Variants in HIP1 observed in about 807,000 individuals in gnomAD.
The protein encoded by HIP1 is huntingtin interacting protein 1, also known as huntingtin-interacting protein 1.
HIP1 carries 65 observed loss-of-function variants against 147.6 expected under a neutral mutation model. The observed-to-expected ratio is 0.44, with a 90% CI of 0.36 to 0.54. The LOEUF (loss-of-function observed/expected upper bound fraction) is 0.54, where lower values mean the gene tolerates loss of function less well. HIP1 is among the 20% of genes least tolerant of loss of function. The probability of loss-of-function intolerance (pLI) is 0.00; values close to 1 mark genes in which losing one functional copy is unlikely to be tolerated. For missense variants in HIP1, 1,061 were observed against 1,299.6 expected, an observed-to-expected ratio of 0.82 and a Z score of 2.82; for synonymous variants, 479 against 504.0, an observed-to-expected ratio of 0.95 and a Z score of 0.67.
At chr7:75,705,374 CT>C (rs1209511571) in intron 1 of HIP1, among the ~76,000 whole-genome samples, 4 of 135,828 alleles carry the variant, frequency 2.9e-5, no homozygotes, top group Admixed American at 7.4e-5. Context: ...TTTTTTTTTT[CT>C]TTTTTTTTTG....
intron 1 of HIP1, among the ~76,000 whole-genome samples, chr7:75,601,567 G>C (rs587623267): frequency 2.0e-5 from 3 of 151,374 alleles, no homozygotes; most frequent in African/African-American, 7.3e-5. Flanking sequence ...TTGCACTCCA[G>C]CCTGGCTGAG....
chr7:75,606,741 A>C (rs1554503892), intron 1 of HIP1, among the ~76,000 whole-genome samples: 2 of 152,172 alleles, frequency 1.3e-5, no homozygotes. Context: ...AGAATGAGGA[A>C]GTGAACTAGC....
chr7:75,732,767 C>T (rs782786335), intron 1 of HIP1, among the ~76,000 whole-genome samples: 1 of 152,166 alleles, frequency 6.6e-6, no homozygotes, highest in Non-Finnish European at 1.5e-5. Flanking sequence ...CTACAGAGCA[C>T]TGTTGCTCAA....
chr7:75,592,166 AG>A, intron 3 of HIP1, 54 bp from the exon 4 acceptor site: 1 of 1,556,506 alleles, frequency 6.4e-7, no homozygotes. Flanking sequence ...AGAAAGACAA[AG>A]GGAAGGAGGA....
At chr7:75,558,321 G>A in intron 14 of HIP1, 66 bp from the exon 15 acceptor site, 1 of 1,231,686 alleles carries the variant, frequency 8.1e-7, no homozygotes, top group Non-Finnish European at 1.2e-6. Context: ...CTTGCAATGA[G>A]CCAGGGTCCC....
At chr7:75,618,714 C>T (rs1308614209) in intron 1 of HIP1, among the ~76,000 whole-genome samples, 10 of 152,206 alleles carry the variant, frequency 6.6e-5, no homozygotes, top group African/African-American at 1.7e-4. Flanking sequence ...TCCCCCAGCA[C>T]GGGAACCATC....
chr7:75,656,565 C>T (rs937398216), intron 1 of HIP1, among the ~76,000 whole-genome samples: 3 of 152,044 alleles, frequency 2.0e-5, no homozygotes, highest in African/African-American at 7.3e-5. Flanking sequence ...GCAACCTCTG[C>T]CTCCTGGGTT....
chr7:75,685,643 G>A (rs1800236002), intron 1 of HIP1, among the ~76,000 whole-genome samples: 1 of 152,176 alleles, frequency 6.6e-6, no homozygotes, highest in Non-Finnish European at 1.5e-5. Flanking sequence ...CCAACTCCTG[G>A]GTTCAAGCAA....
At chr7:75,678,018 T>C (rs1799952832) in intron 1 of HIP1, among the ~76,000 whole-genome samples, 1 of 152,102 alleles carries the variant, frequency 6.6e-6, no homozygotes, top group Non-Finnish European at 1.5e-5. Flanking sequence ...TGTCTTCTTT[T>C]CCATAGTGCT....
chr7:75,689,660 G>C (rs1343759568), intron 1 of HIP1, among the ~76,000 whole-genome samples: 2 of 152,232 alleles, frequency 1.3e-5, no homozygotes, highest in East Asian at 3.9e-4. Flanking sequence ...ACGCTCCTTG[G>C]AGTACAGTTT....
At chr7:75,702,412 T>G (rs1800867070) in intron 1 of HIP1, among the ~76,000 whole-genome samples, 1 of 151,966 alleles carries the variant, frequency 6.6e-6, no homozygotes, top group Non-Finnish European at 1.5e-5. Context: ...CCGGCCTAAT[T>G]TTTGTATTTT....
At chr7:75,642,886 CAAAG>C (rs782760119) in intron 1 of HIP1, among the ~76,000 whole-genome samples, 9 of 152,192 alleles carry the variant, frequency 5.9e-5, no homozygotes, top group Non-Finnish European at 8.8e-5. Context: ...AAACTCAGGC[CAAAG>C]TTGGCCTCAC....
At chr7:75,728,439 C>T (rs553432374) in intron 1 of HIP1, among the ~76,000 whole-genome samples, 12 of 152,344 alleles carry the variant, frequency 7.9e-5, no homozygotes, top group African/African-American at 2.9e-4. Context: ...CTCTCCAGGT[C>T]ATCAACCCTC....
rs62651316 is a variant in HIP1, at chr7:75,664,169, T to C, written c.121-64922A>G. ...ATACATGTATGTGTGTATATTTACA[T>C]ACATATATGTACATACATATATACA... On this transcript the variant is annotated intron_variant, in intron 1 of 30. Coordinates refer to ENST00000336926, the MANE Select transcript of HIP1 (RefSeq NM_005338.7). Among the ~76,000 whole-genome samples, 101 of 41,428 alleles carry C rather than the reference T, an allele frequency of 2.4e-3. 2 individuals carry two copies. The highest frequency in any genetic ancestry group is 4.9e-3 in the Admixed American group (18 of 3,686). 27.2% of individuals were successfully genotyped at this position (41,428 alleles called of 152,430 possible).
At chr7:75,626,621 C>G (rs1798049185) in intron 1 of HIP1, 1 of 152,178 alleles carries the variant, frequency 6.6e-6, no homozygotes, top group African/African-American at 2.4e-5. Flanking sequence ...GGTAAGCACA[C>G]AGTGGAAACT....
At chr7:75,661,626 G>A (rs1257785830) in intron 1 of HIP1, among the ~76,000 whole-genome samples, 1 of 151,298 alleles carries the variant, frequency 6.6e-6, no homozygotes, top group Non-Finnish European at 1.5e-5. Flanking sequence ...TAAGGGCAGT[G>A]AGGGGCCCTG....
intron 2 of HIP1, among the ~76,000 whole-genome samples, chr7:75,593,446 C>T (rs945885444): frequency 1.3e-4 from 19 of 151,812 alleles, no homozygotes; most frequent in Non-Finnish European, 2.9e-5. Context: ...GCCTGACCAA[C>T]ACGGCGAAAC....
chr7:75,650,808 GT>G (rs1211845846), intron 1 of HIP1, among the ~76,000 whole-genome samples: 7 of 152,158 alleles, frequency 4.6e-5, no homozygotes, highest in Non-Finnish European at 8.8e-5. Context: ...AGAGTCGCCT[GT>G]AGTGGCTCAG....
At chr7:75,649,933 C>T (rs1798918553) in intron 1 of HIP1, among the ~76,000 whole-genome samples, 1 of 152,124 alleles carries the variant, frequency 6.6e-6, no homozygotes, top group Admixed American at 6.6e-5. Flanking sequence ...CTGTTCCCCC[C>T]ATATTAAACA....
Sources: gnomAD v4.1 joint callset for allele counts (sites outside exome capture counted in the v4.1 genomes callset) on GRCh38, gnomAD v4.1.1 for gene constraint, MANE v1.5 for transcripts, NCBI Gene and HGNC (gene_info 2026-07-23, HGNC 2026-07-21) for gene names.